The following DMD variants were observed in gnomAD, a reference collection of about 807,000 sequenced individuals.
The protein encoded by DMD is mutant dystrophin.
Under a neutral mutation model 330.1 loss-of-function variants are expected in DMD, and 63 were observed. The observed-to-expected ratio is 0.19, with a 90% CI of 0.16 to 0.24. The LOEUF (loss-of-function observed/expected upper bound fraction) is 0.24, where lower values mean the gene tolerates loss of function less well. DMD is among the 10% of genes least tolerant of loss of function. The pLI is 1.00. For missense variants in DMD, 3,344 were observed against 2,684.1 expected, an observed-to-expected ratio of 1.25 and a Z score of -5.43; for synonymous variants, 1,223 against 959.8, an observed-to-expected ratio of 1.27 and a Z score of -5.07.
intron 17 of DMD, among the ~76,000 whole-genome samples, chrX:32,533,501 A>G (rs1046442661): frequency 9.0e-6 from 1 of 111,643 alleles, no homozygotes; most frequent in Non-Finnish European, 1.9e-5. Context: ...TAATTTTCCC[A>G]TAAGTCTTCC....
At chrX:32,427,699 T>C (rs753071361) in intron 29 of DMD, among the ~76,000 whole-genome samples, 31 of 111,279 alleles carry the variant, frequency 2.8e-4, no homozygotes, top group Middle Eastern at 4.7e-3. Context: ...AGTTTGTTGA[T>C]GACTGGAATT....
intron 7 of DMD, among the ~76,000 whole-genome samples, chrX:32,797,331 A>G (rs911799807): frequency 1.8e-5 from 2 of 112,486 alleles, no homozygotes; most frequent in African/African-American, 6.5e-5. Context: ...AGTTAACTCC[A>G]TTTTGAAGAC....
intron 26 of DMD, among the ~76,000 whole-genome samples, chrX:32,454,424 G>T (rs1217447096): frequency 9.0e-6 from 1 of 110,692 alleles, no homozygotes; most frequent in Non-Finnish European, 1.9e-5. Flanking sequence ...AGGGAAAATT[G>T]TTTCAAATTG....
chrX:33,073,823 ACT>A (rs2094796532), intron 1 of DMD, among the ~76,000 whole-genome samples: 1 of 97,133 alleles, frequency 1.0e-5, no homozygotes, highest in African/African-American at 3.9e-5. Flanking sequence ...CGAGAGCAAA[ACT>A]CTGTCTCAAA....
intron 12 of DMD, among the ~76,000 whole-genome samples, chrX:32,598,928 C>T (rs1027265230): frequency 8.9e-6 from 1 of 111,920 alleles, no homozygotes; most frequent in Non-Finnish European, 1.9e-5. Context: ...AGGCTCTCTA[C>T]AGTGACTAAG....
At chrX:31,900,725 A>G (rs2094411454) in intron 47 of DMD, among the ~76,000 whole-genome samples, 1 of 111,206 alleles carries the variant, frequency 9.0e-6, no homozygotes, top group South Asian at 3.8e-4. Flanking sequence ...AATGTGGGAC[A>G]GTTTGGAACT....
intron 1 of DMD, among the ~76,000 whole-genome samples, chrX:33,194,069 A>T (rs2050796744): frequency 9.0e-6 from 1 of 110,953 alleles, no homozygotes; most frequent in Non-Finnish European, 1.9e-5. Flanking sequence ...ACAAGTGAGA[A>T]TGGTAATATA....
intron 30 of DMD, among the ~76,000 whole-genome samples, chrX:32,398,123 T>G (rs1448891003): frequency 9.1e-6 from 1 of 110,308 alleles, no homozygotes; most frequent in African/African-American, 3.3e-5. Flanking sequence ...TGATATGTAC[T>G]TTCCAAAGAT....
At chrX:31,854,669 A>T (rs2093585733) in intron 48 of DMD, among the ~76,000 whole-genome samples, 1 of 111,985 alleles carries the variant, frequency 8.9e-6, no homozygotes, top group Non-Finnish European at 1.9e-5. Flanking sequence ...ACTATGCTAC[A>T]GGGTCTCTGG....
chrX:32,213,247 G>A (rs2097099943), intron 44 of DMD, among the ~76,000 whole-genome samples: 1 of 112,176 alleles, frequency 8.9e-6, no homozygotes. Context: ...AACAGCCACT[G>A]TCTACATCCT....
intron 7 of DMD, among the ~76,000 whole-genome samples, chrX:32,792,944 T>A (rs1287203987): frequency 1.8e-5 from 2 of 112,216 alleles, no homozygotes; most frequent in African/African-American, 6.5e-5. Flanking sequence ...AAACTGCTCC[T>A]TAGACCAAAT....
intron 45 of DMD, among the ~76,000 whole-genome samples, chrX:31,961,775 GTT>G (rs59655083): frequency 0.33 from 22,597 of 69,168 alleles, 3,571 homozygotes; most frequent in African/African-American, 0.58. Flanking sequence ...TTTGTTCTTT[GTT>G]TTTTTTTTTT....
intron 1 of DMD, among the ~76,000 whole-genome samples, chrX:33,273,266 G>T (rs1241485869): frequency 8.9e-6 from 1 of 111,990 alleles, no homozygotes; most frequent in Non-Finnish European, 1.9e-5. Flanking sequence ...TCTGAATGAT[G>T]CATTTTATAC....
intron 12 of DMD, among the ~76,000 whole-genome samples, chrX:32,597,094 G>C (rs1443837496): frequency 4.5e-5 from 5 of 111,532 alleles, no homozygotes; most frequent in Non-Finnish European, 9.4e-5. Context: ...GTGTCAAGCT[G>C]TTCCCTCTAC....
chrX:33,136,740 G>T (rs2095530011), intron 1 of DMD, among the ~76,000 whole-genome samples: 1 of 110,620 alleles, frequency 9.0e-6, no homozygotes, highest in Non-Finnish European at 1.9e-5. Flanking sequence ...CCAACATTTT[G>T]ATCTTGGATT....
intron 18 of DMD, 45 bp downstream of exon 18, chrX:32,517,963 G>A (rs759263042): frequency 8.4e-7 from 1 of 1,188,203 alleles, no homozygotes; most frequent in Non-Finnish European, 1.1e-6. Context: ...GAGTTTACAA[G>A]CAGCACAAAA....
At chrX:32,970,148 C>G (rs1383607840) in intron 2 of DMD, among the ~76,000 whole-genome samples, 1 of 94,194 alleles carries the variant, frequency 1.1e-5, no homozygotes, top group Non-Finnish European at 2.0e-5. Flanking sequence ...TCCTACTACT[C>G]TTTGGATAAC....
intron 51 of DMD, among the ~76,000 whole-genome samples, chrX:31,767,978 G>A (rs2090106308): frequency 9.0e-6 from 1 of 111,702 alleles, no homozygotes; most frequent in South Asian, 3.7e-4. Context: ...ACAGTGCAAT[G>A]TGTGGTTAAA....
At chrX:31,569,641 T>TATATACGTCTATATAC (rs771071830) in intron 55 of DMD, among the ~76,000 whole-genome samples, 13 of 82,862 alleles carry the variant, frequency 1.6e-4, no homozygotes, top group African/African-American at 5.7e-4. Context: ...CGTATATATA[T>TATATACGTCTATATAC]GTATATACGT....
Sources: gnomAD v4.1 joint callset for allele counts (sites outside exome capture counted in the v4.1 genomes callset) on GRCh38, gnomAD v4.1.1 for gene constraint, MANE v1.5 for transcripts, NCBI Gene and HGNC (gene_info 2026-07-23, HGNC 2026-07-21) for gene names.